Variants in CMIP observed in about 807,000 individuals in gnomAD.
The protein encoded by CMIP is c-Maf inducing protein.
In CMIP, 13 loss-of-function variants were observed where a neutral mutation model predicts 97.3. The ratio of observed to expected loss-of-function variants is 0.13; its 90% CI spans 0.09 to 0.21. The LOEUF (loss-of-function observed/expected upper bound fraction) is 0.21, where lower values mean the gene tolerates loss of function less well. Ranked by LOEUF, CMIP falls within the 10% of genes least tolerant of loss-of-function variation. CMIP has a pLI of 1.00. For synonymous variants in CMIP, 538 were observed against 436.3 expected, an observed-to-expected ratio of 1.23 and a Z score of -2.91; for missense variants, 847 against 1,024.9, an observed-to-expected ratio of 0.83 and a Z score of 2.37.
At chr16:81,669,345 C>CCA (rs1383593799) in intron 7 of CMIP, among the ~76,000 whole-genome samples, 3 of 72,162 alleles carry the variant, frequency 4.2e-5, no homozygotes, top group South Asian at 7.6e-4. Flanking sequence ...CCTTCCACAC[C>CCA]CCTCTCACCT....
At chr16:81,494,646 C>T (rs1005314503) in intron 1 of CMIP, among the ~76,000 whole-genome samples, 3 of 152,206 alleles carry the variant, frequency 2.0e-5, no homozygotes, top group African/African-American at 4.8e-5. Context: ...CCGATGCCTC[C>T]GCTGATGCTT....
intron 1 of CMIP, among the ~76,000 whole-genome samples, chr16:81,594,099 C>G (rs2091511401): frequency 8.6e-6 from 1 of 116,896 alleles, no homozygotes; most frequent in East Asian, 3.0e-4. Flanking sequence ...TCCTCTTCCT[C>G]CCCCTCCTCC....
At chr16:81,479,648 T>G (rs866503482) in intron 1 of CMIP, among the ~76,000 whole-genome samples, 1 of 152,182 alleles carries the variant, frequency 6.6e-6, no homozygotes, top group South Asian at 2.1e-4. Flanking sequence ...TTGCTTTTTT[T>G]GTTGAGGTGA....
intron 9 of CMIP, among the ~76,000 whole-genome samples, chr16:81,676,751 G>A (rs1597235034): frequency 6.6e-6 from 1 of 152,332 alleles, no homozygotes; most frequent in Non-Finnish European, 1.5e-5. Context: ...CCCTTGCTGT[G>A]CATGGGGTTC....
At chr16:81,680,020 G>A (rs1904710447) in intron 10 of CMIP, among the ~76,000 whole-genome samples, 1 of 152,204 alleles carries the variant, frequency 6.6e-6, no homozygotes, top group African/African-American at 2.4e-5. Flanking sequence ...TGAATCCAGA[G>A]ACAGGCATTT....
At chr16:81,620,748 G>T (rs1022305471) in intron 2 of CMIP, 128 bp from the exon 3 acceptor site, 12 of 1,061,478 alleles carry the variant, frequency 1.1e-5, no homozygotes, top group African/African-American at 1.6e-5. Context: ...CTTTCAGCAG[G>T]CTTGTTAGGG....
At chr16:81,533,003 C>T (rs1597516241) in intron 1 of CMIP, among the ~76,000 whole-genome samples, 2 of 152,278 alleles carry the variant, frequency 1.3e-5, no homozygotes, top group South Asian at 2.1e-4. Context: ...AACACCCACA[C>T]CACACGCTCC....
chr16:81,544,620 G>A (rs2090510195), intron 1 of CMIP, among the ~76,000 whole-genome samples: 1 of 151,640 alleles, frequency 6.6e-6, no homozygotes, highest in African/African-American at 2.4e-5. Context: ...CCACAGGGGT[G>A]CATGTGTGCA....
intron 3 of CMIP, among the ~76,000 whole-genome samples, chr16:81,635,669 A>T (rs1342314058): frequency 6.6e-6 from 1 of 152,182 alleles, no homozygotes; most frequent in East Asian, 1.9e-4. Flanking sequence ...ATTATCCGTG[A>T]CCATGGAGAA....
chr16:81,641,628 G>A (rs553391445), intron 3 of CMIP, among the ~76,000 whole-genome samples: 4 of 152,296 alleles, frequency 2.6e-5, no homozygotes, highest in Non-Finnish European at 2.9e-5. Flanking sequence ...CTGAGTTCCC[G>A]CTGTTTCCCT....
intron 1 of CMIP, among the ~76,000 whole-genome samples, chr16:81,523,808 C>T (rs1479271547): frequency 6.6e-6 from 1 of 152,258 alleles, no homozygotes. Context: ...TAACCCTGAA[C>T]CTCGCTCAGA....
chr16:81,593,979 T>TCCTCCTCCC (rs1405831880), intron 1 of CMIP, among the ~76,000 whole-genome samples: 1 of 121,322 alleles, frequency 8.2e-6, no homozygotes, highest in Non-Finnish European at 1.7e-5. Flanking sequence ...CTCCTCCTGC[T>TCCTCCTCCC]CCTCCTCCCC....
chr16:81,496,622 C>G (rs2150772276), intron 1 of CMIP, among the ~76,000 whole-genome samples: 1 of 152,270 alleles, frequency 6.6e-6, no homozygotes, highest in South Asian at 2.1e-4. Flanking sequence ...ATTTGGTGAG[C>G]TTTTGTGCAC....
chr16:81,549,668 G>A (rs1015587994), intron 1 of CMIP, among the ~76,000 whole-genome samples: 21 of 152,074 alleles, frequency 1.4e-4, no homozygotes, highest in Admixed American at 1.0e-3. Context: ...TGATGAAATC[G>A]CCCCTAAAGG....
At position 81,621,082 on chromosome 16, in the gene CMIP, C is replaced by G; in HGVS notation, c.477+156C>G. 4 of 766,474 alleles carry G rather than the reference C, an allele frequency of 5.2e-6. No homozygotes were observed. The highest frequency in any genetic ancestry group is 8.4e-6 in the Non-Finnish European group (4 of 475,520). The allele number at this position is 766,474 out of a possible 1,614,324, so 47.5% of individuals were successfully genotyped here. A position where few individuals can be genotyped will look rare whatever the true frequency, so the allele number is the denominator to read the frequency against. On this transcript the variant is annotated intron_variant, in intron 3 of 20. Transcript: ENST00000537098. The surrounding 1 kb of genome is among the most constrained non-coding windows in gnomAD (Gnocchi z 4.1). ...TTCCCCTACCTAAGAGCCCCTGGCC[C>G]TTCGTCCTCTGCTGTTCAATTCCTG...
At chr16:81,463,696 C>T (rs568742474) in intron 1 of CMIP, among the ~76,000 whole-genome samples, 1 of 152,182 alleles carries the variant, frequency 6.6e-6, no homozygotes, top group Non-Finnish European at 1.5e-5. Flanking sequence ...GGGCAGTGTC[C>T]CCGTGTTACA....
intron 1 of CMIP, among the ~76,000 whole-genome samples, chr16:81,556,649 A>T (rs530697021): frequency 1.5e-4 from 23 of 152,328 alleles, no homozygotes; most frequent in African/African-American, 5.5e-4. Flanking sequence ...GTTTGGGAAG[A>T]TGAGAAAGCT....
At chr16:81,529,256 G>A (rs1597510929) in intron 1 of CMIP, among the ~76,000 whole-genome samples, 1 of 152,332 alleles carries the variant, frequency 6.6e-6, no homozygotes, top group East Asian at 1.9e-4. Flanking sequence ...ATCTTGGGAT[G>A]GGCCCGTGAG....
intron 1 of CMIP, among the ~76,000 whole-genome samples, chr16:81,455,146 C>T (rs941646051): frequency 1.3e-5 from 2 of 152,172 alleles, no homozygotes; most frequent in East Asian, 1.9e-4. Context: ...AAGGACTGGC[C>T]GGCCAGCCGG....
Sources: gnomAD v4.1 joint callset for allele counts (sites outside exome capture counted in the v4.1 genomes callset) on GRCh38, gnomAD v4.1.1 for gene constraint, Gnocchi (gnomAD v3.1) non-coding constraint, MANE v1.5 for transcripts, NCBI Gene and HGNC (gene_info 2026-07-23, HGNC 2026-07-21) for gene names.